The following FNDC3B variants were observed in gnomAD, a reference collection of about 807,000 sequenced individuals.
The protein encoded by FNDC3B is fibronectin type III domain-containing protein 3B.
A neutral mutation model predicts 151.5 loss-of-function variants in FNDC3B; 12 were observed. That is an observed-to-expected ratio of 0.08 (90% CI 0.05 to 0.13). FNDC3B has a LOEUF of 0.13. Ranked by LOEUF, FNDC3B falls within the 10% of genes least tolerant of loss-of-function variation. The pLI is 1.00. For synonymous variants in FNDC3B, 528 were observed against 549.0 expected (o/e 0.96, Z 0.54); for missense variants, 1,214 against 1,505.3 (o/e 0.81, Z 3.20).
chr3:172,110,479 G>T (rs1719903255), intron 1 of FNDC3B, among the ~76,000 whole-genome samples: 1 of 151,930 alleles, frequency 6.6e-6, no homozygotes. Flanking sequence ...CTGTACGCTG[G>T]CCTAATAGAA....
At chr3:172,233,581 C>A (rs112565922) in intron 4 of FNDC3B, among the ~76,000 whole-genome samples, 180 of 152,284 alleles carry the variant, frequency 1.2e-3, no homozygotes, top group African/African-American at 4.2e-3. Flanking sequence ...GCAATACTTT[C>A]CCCCCATTTC....
intron 23 of FNDC3B, among the ~76,000 whole-genome samples, chr3:172,370,986 G>A (rs1262771086): frequency 6.6e-6 from 1 of 152,112 alleles, no homozygotes; most frequent in Non-Finnish European, 1.5e-5. Context: ...TTACGTTAGG[G>A]TTTACTCTTG....
intron 1 of FNDC3B, among the ~76,000 whole-genome samples, chr3:172,087,917 A>G (rs1718630926): frequency 6.6e-6 from 1 of 152,212 alleles, no homozygotes; most frequent in Non-Finnish European, 1.5e-5. Flanking sequence ...AGAAATATGC[A>G]AGAGAAGATA....
At chr3:172,216,671 T>G (rs549043156) in intron 3 of FNDC3B, among the ~76,000 whole-genome samples, 1 of 152,158 alleles carries the variant, frequency 6.6e-6, no homozygotes, top group Admixed American at 6.5e-5. Context: ...AGACCCTGTC[T>G]CAAAATAAAT....
At chr3:172,392,802 T>TTTTTTTTTA (rs1553800974) in intron 25 of FNDC3B, among the ~76,000 whole-genome samples, 1 of 46,924 alleles carries the variant, frequency 2.1e-5, no homozygotes. Context: ...TTTTTTCTTT[T>TTTTTTTTTA]TTTTTTTCTT....
intron 3 of FNDC3B, among the ~76,000 whole-genome samples, chr3:172,225,235 T>C (rs535901598): frequency 1.3e-5 from 2 of 152,318 alleles, no homozygotes; most frequent in South Asian, 4.1e-4. Context: ...GTATGGTGGC[T>C]TGATCTTGAC....
chr3:172,148,187 T>C (rs758618808), intron 3 of FNDC3B, among the ~76,000 whole-genome samples: 2 of 152,126 alleles, frequency 1.3e-5, no homozygotes, highest in Non-Finnish European at 2.9e-5. Flanking sequence ...AGAGATATCG[T>C]TAGGTTATTT....
intron 3 of FNDC3B, among the ~76,000 whole-genome samples, chr3:172,207,364 A>G (rs1438694016): frequency 1.3e-5 from 2 of 152,210 alleles, no homozygotes; most frequent in African/African-American, 4.8e-5. Flanking sequence ...AATGGGTATC[A>G]AATAAATAAC....
intron 6 of FNDC3B, among the ~76,000 whole-genome samples, chr3:172,273,668 T>C (rs1729307721): frequency 6.6e-6 from 1 of 152,248 alleles, no homozygotes; most frequent in Admixed American, 6.5e-5. Flanking sequence ...GACATTAACT[T>C]ACACTTTATG....
Position 172,397,282 on chromosome 3 carries a change from C to G in FNDC3B, c.3422C>G (p.Ala1141Gly), listed in dbSNP as rs761746481. 14 of 1,614,194 alleles carry G rather than the reference C, an allele frequency of 8.7e-6. No individual in the cohort carries two copies. The highest frequency in any genetic ancestry group is 3.3e-4 in the Middle Eastern group (2 of 6,062). The change falls in exon 26 of 26, where the codon GCC becomes GGC. Residue 1141 changes from alanine to glycine, a missense_variant. Around this residue, in one of 7 missense-constraint regions of FNDC3B, gnomAD observed 284 missense variants for 392.4 expected, o/e 0.72. Coordinates refer to ENST00000415807, the MANE Select transcript of FNDC3B (RefSeq NM_022763.4). Reference protein sequence around the residue: ...CLDTSQELSGAFSPSAAFVLQ... With the variant: ...CLDTSQELSGGFSPSAAFVLQ... ...GACACCTCTCAGGAGCTAAGCGGAGCCTTCAGCCCCTCTGCGGCTTTTGTA... is the reference window on the plus strand; with the variant it reads ...GACACCTCTCAGGAGCTAAGCGGAGGCTTCAGCCCCTCTGCGGCTTTTGTA...
At position 172,042,401 on chromosome 3, in the gene FNDC3B, A is replaced by G. The variant is rs186973843; in HGVS notation, c.-29+2630A>G. On this transcript the variant is annotated intron_variant, in intron 1 of 25. Coordinates refer to ENST00000415807, the MANE Select transcript of FNDC3B (RefSeq NM_022763.4). ...TTAACCTGGTAGCATTTGATGGATAAGTTCATTAGGAGCTAAGTAGAAGAA... is the reference window on the plus strand; with the variant it reads ...TTAACCTGGTAGCATTTGATGGATAGGTTCATTAGGAGCTAAGTAGAAGAA... Among the ~76,000 whole-genome samples, 8 of 152,278 alleles carry G rather than the reference A, an allele frequency of 5.3e-5. No homozygotes were observed. In the East Asian group the frequency reaches 1.5e-3, roughly 29 times the overall value.
chr3:172,069,631 T>C (rs970188763), intron 1 of FNDC3B, among the ~76,000 whole-genome samples: 9 of 152,214 alleles, frequency 5.9e-5, no homozygotes, highest in African/African-American at 2.2e-4. Flanking sequence ...TGACTTTTCA[T>C]AGCTATCTGA....
chr3:172,086,564 A>C (rs906475876), intron 1 of FNDC3B, among the ~76,000 whole-genome samples: 2 of 152,214 alleles, frequency 1.3e-5, no homozygotes, highest in African/African-American at 4.8e-5. Context: ...TCTTTATGTA[A>C]AAATTGGCCT....
intron 1 of FNDC3B, among the ~76,000 whole-genome samples, chr3:172,041,013 G>A (rs895064813): frequency 6.6e-6 from 1 of 152,198 alleles, no homozygotes; most frequent in Admixed American, 6.5e-5. Context: ...TCCAGACAGT[G>A]CCGTTTGCAG....
At chr3:172,077,718 A>T (rs544632581) in intron 1 of FNDC3B, among the ~76,000 whole-genome samples, 1 of 150,836 alleles carries the variant, frequency 6.6e-6, no homozygotes, top group African/African-American at 2.4e-5. Flanking sequence ...GAAATATTTG[A>T]CTTTTTCCCC....
chr3:172,304,075 C>G (rs1731070649), intron 9 of FNDC3B, among the ~76,000 whole-genome samples: 1 of 152,232 alleles, frequency 6.6e-6, no homozygotes, highest in Non-Finnish European at 1.5e-5. Context: ...AAATTTCTAA[C>G]CTGCATCAGG....
At chr3:172,138,574 A>AT (rs1417439107) in intron 3 of FNDC3B, among the ~76,000 whole-genome samples, 2 of 152,198 alleles carry the variant, frequency 1.3e-5, no homozygotes, top group Non-Finnish European at 2.9e-5. Context: ...TAATACTGTA[A>AT]TTTTTTATTT....
chr3:172,255,759 G>T (rs1289446416), intron 6 of FNDC3B, among the ~76,000 whole-genome samples: 3 of 152,160 alleles, frequency 2.0e-5, no homozygotes, highest in African/African-American at 7.2e-5. Context: ...GATACCTTGG[G>T]GTCCTCTCTG....
At chr3:172,117,452 G>T (rs915277342) in intron 2 of FNDC3B, among the ~76,000 whole-genome samples, 1 of 152,058 alleles carries the variant, frequency 6.6e-6, no homozygotes, top group Non-Finnish European at 1.5e-5. Context: ...CCAGTTTTGC[G>T]CACAAAAGAA....
Sources: gnomAD v4.1 joint callset for allele counts (sites outside exome capture counted in the v4.1 genomes callset) on GRCh38, gnomAD v4.1.1 for gene constraint, gnomAD v4.1.1 regional missense constraint, MANE v1.5 for transcripts, NCBI Gene and HGNC (gene_info 2026-07-23, HGNC 2026-07-21) for gene names.